PHLDB3: variants seen among roughly 807,000 people sequenced by gnomAD.
PHLDB3 encodes pleckstrin homology like domain family B member 3, also known as pleckstrin homology-like domain family B member 3.
Under a neutral mutation model 85.7 loss-of-function variants are expected in PHLDB3, and 86 were observed. That is an observed-to-expected ratio of 1.00 (90% CI 0.84 to 1.20). PHLDB3 has a LOEUF of 1.20. Ranked by LOEUF, PHLDB3 falls within the 50% of genes most tolerant of loss-of-function variation. PHLDB3 has a pLI of 0.00. For synonymous variants in PHLDB3, 376 were observed against 349.8 expected (o/e 1.07, Z -0.83); for missense variants, 995 against 873.0 (o/e 1.14, Z -1.76).
intron 13 of PHLDB3, among the ~76,000 whole-genome samples, chr19:43,481,770 G>A (rs1971052163): frequency 3.3e-5 from 5 of 151,486 alleles, no homozygotes. Context: ...CTCCAGGCTG[G>A]GTGACAAAGG....
chr19:43,501,636 G>T, intron 4 of PHLDB3, 98 bp downstream of exon 4: 1 of 1,517,218 alleles, frequency 6.6e-7, no homozygotes, highest in Non-Finnish European at 8.8e-7. Flanking sequence ...TTCCTTTGGG[G>T]AATGGGGACA....
In PHLDB3 at chr19:43,502,171, A is replaced by G. The variant is rs772610388; in HGVS notation, c.326T>C (p.Leu109Ser). The G allele has an allele frequency of 2.1e-5, 33 of 1,580,192 alleles. No individual in the cohort carries two copies. The highest frequency in any genetic ancestry group is 2.8e-5 in the Non-Finnish European group (33 of 1,163,704). Residue 109 changes from leucine to serine, a missense_variant, in exon 3 of 16, where the codon TTG becomes TCG. By Grantham distance (145) the Leu-to-Ser change is moderately radical. Transcript: ENST00000292140. ...RRLQGQQLEA[L>S]TRVALMEQRV... Reference sequence around the variant, plus strand: ...CTGCTCCATCAGGGCCACACGAGTCAATGCCTCCAGCTGCTGTCCTTGCAG... The same window carrying G: ...CTGCTCCATCAGGGCCACACGAGTCGATGCCTCCAGCTGCTGTCCTTGCAG...
intron 4 of PHLDB3, among the ~76,000 whole-genome samples, chr19:43,500,837 T>A (rs1773172953): frequency 6.6e-6 from 1 of 151,206 alleles, no homozygotes; most frequent in South Asian, 2.1e-4. Flanking sequence ...AACGGTGTCT[T>A]ATTATAATAT....
At chr19:43,491,570 T>A (rs1466809521) in intron 9 of PHLDB3, among the ~76,000 whole-genome samples, 1 of 151,242 alleles carries the variant, frequency 6.6e-6, no homozygotes, top group Non-Finnish European at 1.5e-5. Context: ...GGTGCGACCT[T>A]AGCTCACCGA....
At chr19:43,500,667 T>A (rs894800196) in intron 4 of PHLDB3, among the ~76,000 whole-genome samples, 8 of 152,148 alleles carry the variant, frequency 5.3e-5, no homozygotes, top group Non-Finnish European at 8.8e-5. Context: ...GACAGGGTCT[T>A]GCTCTATCGC....
intron 4 of PHLDB3, among the ~76,000 whole-genome samples, chr19:43,498,523 A>G (rs1971520493): frequency 6.6e-6 from 1 of 152,168 alleles, no homozygotes; most frequent in Admixed American, 6.5e-5. Context: ...GAAAGAAGAA[A>G]GAAAATTAAT....
chr19:43,496,703 G>A (rs1971465098), intron 6 of PHLDB3: 1 of 200,018 alleles, frequency 5.0e-6, no homozygotes, highest in African/African-American at 2.3e-5. Context: ...AGCACAGGAC[G>A]TGGAGGCTGC....
intron 6 of PHLDB3, 115 bp downstream of exon 6, chr19:43,497,003 T>C: frequency 1.6e-6 from 2 of 1,289,872 alleles, no homozygotes; most frequent in Non-Finnish European, 2.0e-6. Flanking sequence ...CTCTTGTTGT[T>C]ACTATTCAGA....
In PHLDB3 at chr19:43,504,136, C is replaced by CA; in HGVS notation, c.-14-5_-14-4insT. 6.4e-7 allele frequency: 1 copy of CA among 1,564,124 alleles called. No individual in the cohort carries two copies. Among genetic ancestry groups the CA allele is most frequent in the Non-Finnish European group, 8.6e-7 (1 of 1,156,846 alleles). On this transcript the variant is annotated splice_region_variant and splice_polypyrimidine_tract_variant and intron_variant, in intron 1 of 15. Coordinates refer to ENST00000292140, the MANE Select transcript of PHLDB3 (RefSeq NM_198850.4). ...GTCCCCATGGCCGCTGGGACTCCTG[C>CA]GGGGTGGGCGGGACCAGAAGCTCCG... is the stretch of plus-strand genomic sequence containing the variant.
chr19:43,504,081 G>T lies in PHLDB3; in HGVS notation c.38C>A (p.Pro13Gln), dbSNP rs767887661. The T allele has an allele frequency of 3.7e-6, 6 of 1,611,572 alleles. No homozygotes were observed. In the African/African-American group the frequency reaches 6.7e-5, roughly 18 times the overall value. Residue 13 changes from proline to glutamine, a missense_variant, in exon 2 of 16, where the codon CCG (proline) becomes CAG (glutamine). Pro to Gln is a moderately conservative substitution (Grantham distance 76, BLOSUM62 -1). Transcript: ENST00000292140. Reference sequence around the variant, plus strand: ...CACGTCGCATTCCGGGACCAGCGGCGGCGGGGTCCCCTCCTCGGGGCTGCT... The same window carrying T: ...CACGTCGCATTCCGGGACCAGCGGCTGCGGGGTCCCCTCCTCGGGGCTGCT... ...TRSSPEEGTP[P>Q]PLVPECDVEV...
chr19:43,490,019 A>G (rs1217000947), intron 9 of PHLDB3, among the ~76,000 whole-genome samples: 1 of 151,022 alleles, frequency 6.6e-6, no homozygotes, highest in African/African-American at 2.4e-5. Context: ...AGGAAAAAAA[A>G]AAAGAAAGAG....
At chr19:43,488,539 T>C (rs1035536847) in intron 9 of PHLDB3, among the ~76,000 whole-genome samples, 1 of 152,092 alleles carries the variant, frequency 6.6e-6, no homozygotes, top group Non-Finnish European at 1.5e-5. Flanking sequence ...CACATGATAC[T>C]GGGGGTGTTC....
At chr19:43,485,577 G>A (rs1971137256) in intron 13 of PHLDB3, among the ~76,000 whole-genome samples, 2 of 142,490 alleles carry the variant, frequency 1.4e-5, no homozygotes, top group Non-Finnish European at 3.0e-5. Flanking sequence ...TTTTTTTTGA[G>A]ACAGATTTTC....
At chr19:43,483,601 G>A (rs532788036) in intron 13 of PHLDB3, among the ~76,000 whole-genome samples, 29 of 152,118 alleles carry the variant, frequency 1.9e-4, no homozygotes, top group East Asian at 1.4e-3. Flanking sequence ...ATAACAAAAC[G>A]CATTGATTCT....
rs770878003 is a variant in PHLDB3, at chr19:43,487,135, A to C, written c.1150-12T>G. Reference sequence around the variant, plus strand: ...AGGCCAATGGAGCCCTGAAAACACAAAAGGCTCATGAGCATAGGAAAAAGG... The same window carrying C: ...AGGCCAATGGAGCCCTGAAAACACACAAGGCTCATGAGCATAGGAAAAAGG... On this transcript the variant is annotated splice_polypyrimidine_tract_variant and intron_variant, in intron 9 of 15. Transcript: ENST00000292140. The C allele has an allele frequency of 2.1e-5, 33 of 1,553,150 alleles. No homozygotes were observed. In the South Asian group the frequency reaches 3.4e-4, roughly 16 times the overall value.
intron 13 of PHLDB3, 57 bp downstream of exon 13, chr19:43,486,209 G>A (rs1971151259): frequency 1.3e-6 from 2 of 1,558,302 alleles, no homozygotes; most frequent in Admixed American, 3.8e-5. Flanking sequence ...AAGGGCATAG[G>A]TCAGGGGGAG....
rs1259281473 is a variant in PHLDB3 at position 43,501,814 on chromosome 19, G to A, written c.454C>T (p.Arg152Cys). ...TCCCGCAGCTGCTCCTCCTCCCGGC[G>A]AGCGGCCACTCGCTCCCCAGCCAGC... ...GELAGERVAA[R>C]REEEQLRELL... The change falls in exon 4 of 16, where the codon CGC (arginine) becomes TGC (cysteine). Residue 152 changes from arginine (R) to cysteine (C), a missense_variant. By Grantham distance (180) the Arg-to-Cys change is radical. Transcript: ENST00000292140. The A allele has an allele frequency of 6.9e-6, 11 of 1,588,374 alleles. No homozygotes were observed. The Admixed American group carries it at 1.1e-4, about 15-fold the overall frequency.
At position 43,502,302 on chromosome 19, in the gene PHLDB3, T is replaced by A. The variant is rs1599965067; in HGVS notation, c.214-19A>T. The A allele has an allele frequency of 6.5e-7, 1 of 1,540,542 alleles. No individual in the cohort carries two copies. The highest frequency in any genetic ancestry group is 8.7e-7 in the Non-Finnish European group (1 of 1,147,592). ...CCTCGGGCTGAAGTTGAGGGGGGCG[T>A]GGTTAAGTGGAGATGCCTCGCCCCC... On this transcript the variant is annotated intron_variant, in intron 2 of 15. Coordinates refer to ENST00000292140, the MANE Select transcript of PHLDB3 (RefSeq NM_198850.4).
intron 4 of PHLDB3, among the ~76,000 whole-genome samples, chr19:43,501,268 C>T (rs1971590533): frequency 6.7e-6 from 1 of 149,490 alleles, no homozygotes; most frequent in Admixed American, 6.7e-5. Flanking sequence ...ACTGCAACCT[C>T]CATCTCCCGG....
Sources: allele counts gnomAD v4.1 joint callset (sites outside exome capture counted in the v4.1 genomes callset), GRCh38; gene constraint gnomAD v4.1.1; transcripts MANE v1.5; gene names NCBI Gene and HGNC (gene_info 2026-07-23, HGNC 2026-07-21).